Variants in SP100 observed in about 807,000 individuals in gnomAD.
The protein encoded by SP100 is SP100 nuclear body protein, also known as nuclear autoantigen Sp-100.
A neutral mutation model predicts 130.0 loss-of-function variants in SP100; 84 were observed. The ratio of observed to expected loss-of-function variants is 0.65; its 90% CI spans 0.54 to 0.77. The LOEUF is 0.77. Ranked by LOEUF, SP100 falls within the 30% of genes least tolerant of loss-of-function variation. The pLI, the probability that SP100 is intolerant of heterozygous loss-of-function variation, is 0.00. For missense variants in SP100, 978 were observed against 1,052.2 expected (o/e 0.93, Z 0.97); for synonymous variants, 331 against 351.7 (o/e 0.94, Z 0.66).
chr2:230,499,075 G>A (rs1678158), intron 19 of SP100, among the ~76,000 whole-genome samples: 25,692 of 152,008 alleles, frequency 0.17, 2,518 homozygotes, highest in Non-Finnish European at 0.22. Flanking sequence ...CCCCTCTCCC[G>A]CATCATCAGC....
At chr2:230,520,157 A>C (rs1691105054) in intron 24 of SP100, among the ~76,000 whole-genome samples, 1 of 152,238 alleles carries the variant, frequency 6.6e-6, no homozygotes, top group Admixed American at 6.5e-5. Context: ...AGAGATAATC[A>C]GTTTTTATGA....
chr2:230,494,102 T>C (rs2066534892), intron 17 of SP100, among the ~76,000 whole-genome samples: 1 of 152,052 alleles, frequency 6.6e-6, no homozygotes, highest in South Asian at 2.1e-4. Context: ...ACCCTCTTGG[T>C]ACTCTTCTGC....
At chr2:230,479,694 A>T (rs996927317) in intron 17 of SP100, among the ~76,000 whole-genome samples, 6 of 152,208 alleles carry the variant, frequency 3.9e-5, no homozygotes, top group Non-Finnish European at 8.8e-5. Flanking sequence ...CGATCCCCCA[A>T]CCAATAGTGT....
chr2:230,467,247 G>T, intron 13 of SP100, 32 bp downstream of exon 13: 1 of 1,480,204 alleles, frequency 6.8e-7, no homozygotes, highest in South Asian at 1.1e-5. Flanking sequence ...TCAGGGCTCT[G>T]ACTTCAGAGC....
chr2:230,474,283 A>G, intron 16 of SP100, 111 bp from the exon 17 acceptor site: 1 of 659,982 alleles, frequency 1.5e-6, no homozygotes, highest in Non-Finnish European at 2.7e-6. Flanking sequence ...GATAAATTAT[A>G]CTCAGAATAT....
chr2:230,468,817 C>CAAAAAAAAAAAAAAAAAAA (rs10617635), intron 13 of SP100: 1 of 145,842 alleles, frequency 6.9e-6, no homozygotes. Flanking sequence ...GACCCTGTCT[C>CAAAAAAAAAAAAAAAAAAA]AAAAAAAAAA....
At chr2:230,489,976 G>A (rs2066311568) in intron 17 of SP100, among the ~76,000 whole-genome samples, 1 of 152,182 alleles carries the variant, frequency 6.6e-6, no homozygotes, top group Admixed American at 6.5e-5. Context: ...ACACTGAAAA[G>A]AACATATATT....
intron 24 of SP100, among the ~76,000 whole-genome samples, chr2:230,530,671 A>G (rs549570793): frequency 6.6e-6 from 1 of 152,366 alleles, no homozygotes; most frequent in South Asian, 2.1e-4. Flanking sequence ...TATCTTTGCA[A>G]TCTACCCATC....
chr2:230,425,306 G>A (rs533076043), intron 2 of SP100, among the ~76,000 whole-genome samples: 7 of 151,752 alleles, frequency 4.6e-5, no homozygotes, highest in South Asian at 4.2e-4. Flanking sequence ...CCATTCCTCC[G>A]ACTTCCAAGC....
intron 8 of SP100, among the ~76,000 whole-genome samples, chr2:230,460,956 C>T (rs1053121960): frequency 6.6e-6 from 1 of 152,148 alleles, no homozygotes; most frequent in African/African-American, 2.4e-5. Flanking sequence ...TGATTTACTT[C>T]CTTCGTGATC....
Position 230,462,532 on chromosome 2 carries a change from G to C in SP100, c.1057+14G>C. On this transcript the variant is annotated intron_variant, in intron 10 of 28. Transcript: ENST00000340126. ...GAAGTGAGCCTGGTAAGGAAGTTTG[G>C]GAGAGCAAGGCTTGGGCTGTGGGAA... 6.3e-7 allele frequency: 1 copy of C among 1,594,304 alleles called. No homozygotes were observed. The highest frequency in any genetic ancestry group is 8.6e-7 in the Non-Finnish European group (1 of 1,162,170).
chr2:230,530,402 T>C (rs1241547141), intron 24 of SP100, among the ~76,000 whole-genome samples: 1 of 152,202 alleles, frequency 6.6e-6, no homozygotes, highest in African/African-American at 2.4e-5. Context: ...ACTGGACACC[T>C]TCCTTACACC....
intron 19 of SP100, among the ~76,000 whole-genome samples, chr2:230,501,900 G>A (rs1018568998): frequency 3.3e-5 from 5 of 152,054 alleles, no homozygotes; most frequent in Admixed American, 6.5e-5. Context: ...ATGGAGTCTC[G>A]CTCTGCTGCC....
chr2:230,430,844 A>G (rs375963974), intron 2 of SP100, among the ~76,000 whole-genome samples: 5 of 152,180 alleles, frequency 3.3e-5, no homozygotes, highest in African/African-American at 9.7e-5. Flanking sequence ...CAGGGTCTCA[A>G]TTTGGACTTC....
intron 2 of SP100, among the ~76,000 whole-genome samples, chr2:230,424,327 A>G (rs2062856638): frequency 6.6e-6 from 1 of 152,206 alleles, no homozygotes; most frequent in African/African-American, 2.4e-5. Flanking sequence ...CAGAGCTCAC[A>G]TGCTATATGG....
At chr2:230,449,509 T>C in intron 6 of SP100, 52 bp from the exon 7 acceptor site, 1 of 1,605,276 alleles carries the variant, frequency 6.2e-7, no homozygotes, top group Non-Finnish European at 8.5e-7. Context: ...TGGAGGGGAG[T>C]GACAGGCAGC....
intron 2 of SP100, among the ~76,000 whole-genome samples, chr2:230,437,328 T>C (rs1489937373): frequency 6.6e-6 from 1 of 152,156 alleles, no homozygotes; most frequent in Non-Finnish European, 1.5e-5. Context: ...TTCTTCTTGG[T>C]TCTAAATAAC....
chr2:230,457,897 T>C (rs1209347034), intron 8 of SP100, among the ~76,000 whole-genome samples: 1 of 152,224 alleles, frequency 6.6e-6, no homozygotes, highest in Admixed American at 6.5e-5. Context: ...TGTTTTCTCA[T>C]ACTAACTGCC....
At chr2:230,515,539 AAG>A (rs1264474992) in intron 24 of SP100, 12 of 1,602,462 alleles carry the variant, frequency 7.5e-6, no homozygotes, top group Non-Finnish European at 1.0e-5. Flanking sequence ...TTCAGCAAAA[AAG>A]AGAGTTGTCA....
Sources: allele counts gnomAD v4.1 joint callset (sites outside exome capture counted in the v4.1 genomes callset), GRCh38; gene constraint gnomAD v4.1.1; transcripts MANE v1.5; gene names NCBI Gene and HGNC (gene_info 2026-07-23, HGNC 2026-07-21).